The following EPPK1 variants were observed in gnomAD, a reference collection of about 807,000 sequenced individuals.
EPPK1 encodes the protein epiplakin.
For synonymous variants in EPPK1, 1,862 were observed against 1,721.2 expected (o/e 1.08, Z -2.03); for missense variants, 3,823 against 3,673.3 (o/e 1.04, Z -1.05).
chr8:143,857,575 C>T lies in EPPK1; in HGVS notation c.*412G>A, dbSNP rs550481111. 28 of 174,820 alleles carry T rather than the reference C, an allele frequency of 1.6e-4. No homozygotes were observed. The highest frequency in any genetic ancestry group is 8.0e-4 in the East Asian group (5 of 6,252). 10.8% of individuals were successfully genotyped at this position (174,820 alleles called of 1,614,324 possible). A position where few individuals can be genotyped will look rare whatever the true frequency, so the allele number is the denominator to read the frequency against. ...GATGGAAAATGAGTTTGAAGATGAA[C>T]GTGAATAGCACATCGTTAGGGAAAT... On this transcript the variant is annotated 3_prime_UTR_variant, in exon 2 of 2. Coordinates refer to ENST00000615648, the MANE Select transcript of EPPK1 (RefSeq NM_031308.4).
At position 143,870,852 on chromosome 8, in the gene EPPK1, G is replaced by A. The variant is rs1563885742; in HGVS notation, c.2402C>T (p.Thr801Met). ...TGLYLLPLSS[T>M]QSPLVDSATQ... ...GGCACTGTCCACCAGCGGGGACTGC[G>A]TGCTGCTGAGTGGCAGGAGGTACAG... The change falls in exon 2 of 2, where the codon ACG becomes ATG. Residue 801 changes from threonine to methionine, a missense_variant. Physicochemically the swap from Thr to Met is moderately conservative, Grantham distance 81. Coordinates refer to ENST00000615648, the MANE Select transcript of EPPK1 (RefSeq NM_031308.4). The surrounding 1 kb of genome is among the most constrained non-coding windows in gnomAD (Gnocchi z 5.2). The A allele has an allele frequency of 8.7e-6, 14 of 1,612,952 alleles. No individual in the cohort carries two copies. The highest frequency in any genetic ancestry group is 1.3e-5 in the African/African-American group (1 of 75,032).
At position 143,872,766 on chromosome 8, in the gene EPPK1, G is replaced by T; in HGVS notation, c.488C>A (p.Pro163His). Residue 163 changes from proline (P) to histidine (H), a missense_variant, in exon 2 of 2, where the codon CCC becomes CAC. Physicochemically the swap from Pro to His is moderately conservative, Grantham distance 77. Coordinates refer to ENST00000615648, the MANE Select transcript of EPPK1 (RefSeq NM_031308.4). ...VQLATGGLVD[P>H]AQGVLVAPEP... ...AGGGGCCACGAGCACTCCCTGGGCG[G>T]GGTCCACCAGGCCCCCAGTGGCCAG... 3 of 1,583,524 alleles carry T rather than the reference G, an allele frequency of 1.9e-6. No individual in the cohort carries two copies. The highest frequency in any genetic ancestry group is 1.7e-5 in the Admixed American group (1 of 58,334).
In EPPK1 at chr8:143,866,710, T is replaced by C. The variant is rs782539143; in HGVS notation, c.6544A>G (p.Thr2182Ala). 2.5e-6 allele frequency: 4 copies of C among 1,613,402 alleles called. No individual in the cohort carries two copies. In the South Asian group the frequency reaches 4.4e-5, roughly 18 times the overall value. ...LWFQGIRRQI[T>A]ASELLSSAII... ...GCTGAGCTGAGGAGTTCAGAAGCTG[T>C]GATCTGTCGTCTAATTCCTTGGAAC... Residue 2182 changes from threonine (T) to alanine (A), a missense_variant, in exon 2 of 2, where the codon ACA becomes GCA. By Grantham distance (58) the Thr-to-Ala change is moderately conservative. Transcript: ENST00000615648.
Position 143,868,392 on chromosome 8 carries a change from C to G in EPPK1, c.4862G>C (p.Arg1621Pro). Residue 1621 changes from arginine to proline, a missense_variant, in exon 2 of 2, where the codon CGG becomes CCG. Arg to Pro is a moderately radical substitution (Grantham distance 103). Transcript: ENST00000615648. ...GAACGCCTCCTCCACGGTCAGCTTCCGGTTCTCCACGGGGTCGATGATGAA... is the reference window on the plus strand; with the variant it reads ...GAACGCCTCCTCCACGGTCAGCTTCGGGTTCTCCACGGGGTCGATGATGAA... ...TGFIIDPVEN[R>P]KLTVEEAFKA... The G allele has an allele frequency of 1.2e-6, 2 of 1,612,502 alleles. No individual in the cohort carries two copies. The highest frequency in any genetic ancestry group is 1.7e-6 in the Non-Finnish European group (2 of 1,179,796).
In EPPK1 at chr8:143,871,651, T is replaced by C; in HGVS notation, c.1603A>G (p.Thr535Ala). The change falls in exon 2 of 2, where the codon ACC becomes GCC. Residue 535 changes from threonine to alanine, a missense_variant. Physicochemically the swap from Thr to Ala is moderately conservative, Grantham distance 58 (BLOSUM62 0). Transcript: ENST00000615648. ...GCGGCCAGCTTCTCCACGGAGAGGG[T>C]CCCTTCCTGGTACTGCTGGGCCAGC... is the stretch of plus-strand genomic sequence containing the variant. ...AMLAQQYQEG[T>A]LSVEKLAAKL... 6.2e-7 allele frequency: 1 copy of C among 1,602,418 alleles called. No homozygotes were observed. Among genetic ancestry groups the C allele is most frequent in the South Asian group, 1.1e-5 (1 of 89,600 alleles).
Position 143,869,753 on chromosome 8 carries a change from C to T in EPPK1, c.3501G>A (p.Glu1167=), listed in dbSNP as rs1554660492. ...GCAGCTGTGGCACAGTGGTCCTCCC[C>T]TCCTGCACGTCCTCCAGCAGGCCCC... ...QRRGLLEDVQ[E]GRTTVPQLLA... Residue 1167 remains glutamate (E), a synonymous_variant, in exon 2 of 2, where the codon GAG becomes GAA. Transcript: ENST00000615648. The T allele has an allele frequency of 6.2e-7, 1 of 1,601,922 alleles. No homozygotes were observed. The highest frequency in any genetic ancestry group is 8.5e-7 in the Non-Finnish European group (1 of 1,175,242).
At chr8:143,876,292 C>T (rs1366713097) in intron 1 of EPPK1, among the ~76,000 whole-genome samples, 4 of 152,180 alleles carry the variant, frequency 2.6e-5, no homozygotes, top group African/African-American at 9.7e-5. Flanking sequence ...GACCTGGTCA[C>T]ACCTGACAAG....
At position 143,872,833 on chromosome 8, in the gene EPPK1, C is replaced by A; in HGVS notation, c.421G>T (p.Val141Phe). The A allele has an allele frequency of 1.9e-6, 3 of 1,562,080 alleles. No homozygotes were observed. The highest frequency in any genetic ancestry group is 2.6e-6 in the Non-Finnish European group (3 of 1,152,706). The change falls in exon 2 of 2, where the codon GTT becomes TTT. Residue 141 changes from valine to phenylalanine, a missense_variant. By Grantham distance (50) the Val-to-Phe change is conservative (BLOSUM62 -1). Coordinates refer to ENST00000615648, the MANE Select transcript of EPPK1 (RefSeq NM_031308.4). ...CTCTGCCCCAGGGCCCTGTCCACAACCTCCTTCCCGATGGCCTGAAAGAGG... is the reference window on the plus strand; with the variant it reads ...CTCTGCCCCAGGGCCCTGTCCACAAACTCCTTCCCGATGGCCTGAAAGAGG... ...LALFQAIGKE[V>F]VDRALGQSWL...
chr8:143,858,999 C>A lies in EPPK1; in HGVS notation c.14255G>T (p.Gly4752Val). 2.8e-6 allele frequency: 1 copy of A among 352,714 alleles called. No homozygotes were observed. The highest frequency in any genetic ancestry group is 2.2e-5 in the African/African-American group (1 of 45,564). 21.8% of individuals were successfully genotyped at this position (352,714 alleles called of 1,614,324 possible). A position where few individuals can be genotyped will look rare whatever the true frequency, so the allele number is the denominator to read the frequency against. Reference sequence around the variant, plus strand: ...CTCCTGGGTCTCGCCCTCCCCCTGGCCCTCTCGCTGGGAGCGCCCCGAGTC... The same window carrying A: ...CTCCTGGGTCTCGCCCTCCCCCTGGACCTCTCGCTGGGAGCGCCCCGAGTC... ...DGDSGRSQRE[G>V]QGEGETQEAA... The change falls in exon 2 of 2, where the codon GGC (glycine) becomes GTC (valine). Residue 4752 changes from glycine to valine, a missense_variant. Coordinates refer to ENST00000615648, the MANE Select transcript of EPPK1 (RefSeq NM_031308.4).
Position 143,878,427 on chromosome 8 carries a change from ACCCGCCG to A in EPPK1, c.-46+4_-46+10del, listed in dbSNP as rs1554662635. 4 of 130,262 alleles carry A rather than the reference ACCCGCCG, an allele frequency of 3.1e-5. No homozygotes were observed. Among genetic ancestry groups the A allele is most frequent in the Non-Finnish European group, 5.0e-5 (3 of 60,022 alleles). The allele number at this position is 130,262 out of a possible 1,614,324, so 8.1% of individuals were successfully genotyped here. ...CCGCCGCACCCGCCGCACCCGCCGC[ACCCGCCG>A]CACCTGCCCGCTCGCCGCTCGGTCC... On this transcript the variant is annotated splice_donor_5th_base_variant and intron_variant, in intron 1 of 1. Transcript: ENST00000615648.
At chr8:143,877,943 A>G (rs549682434) in intron 1 of EPPK1, among the ~76,000 whole-genome samples, 1 of 151,968 alleles carries the variant, frequency 6.6e-6, no homozygotes, top group South Asian at 2.1e-4. Context: ...GGGACCGCTC[A>G]CCCAACAGCA....
Position 143,867,366 on chromosome 8 carries a change from T to TC in EPPK1, c.5887dup (p.Glu1963GlyfsTer10). The TC allele has an allele frequency of 6.2e-7, 1 of 1,612,886 alleles. No homozygotes were observed. The highest frequency in any genetic ancestry group is 1.7e-5 in the Admixed American group (1 of 60,016). ...AGCCTTCAGGAGCCTCTCCCGCAGC[T>TC]CCTCGTTCACCAGGCCCACATCCAC... is the stretch of plus-strand genomic sequence containing the variant. On this transcript the variant is annotated frameshift_variant, in exon 2 of 2. Transcript: ENST00000615648. LOFTEE classifies it low-confidence loss of function (END_TRUNC).
Position 143,870,110 on chromosome 8 carries a change from C to T in EPPK1, c.3144G>A (p.Gly1048=), listed in dbSNP as rs781997343. The part of the protein sequence containing the change: ...RLLEAQVATG[G]IIDPTSHHHL... ...GGTGGTGGCTGGTGGGGTCAATGAT[C>T]CCTCCTGTGGCCACTTGAGCCTCCA... Residue 1048 remains glycine (G), a synonymous_variant, in exon 2 of 2, where the codon GGG becomes GGA. Coordinates refer to ENST00000615648, the MANE Select transcript of EPPK1 (RefSeq NM_031308.4). This position sits in a 1 kb window ranked among gnomAD's most constrained non-coding sequence, Gnocchi z 5.2. 4.3e-6 allele frequency: 7 copies of T among 1,610,860 alleles called. No individual in the cohort carries two copies. The Admixed American group carries it at 8.4e-5, about 19-fold the overall frequency.
In EPPK1 at chr8:143,858,119, G is replaced by T. The variant is rs1228951717; in HGVS notation, c.15135C>A (p.Ala5045=). Residue 5045 remains alanine (A), a synonymous_variant, in exon 2 of 2, where the codon GCC becomes GCA. Transcript: ENST00000615648. ...YFDEEMNRVL[A]DPSDDTKGFF... Reference sequence around the variant, plus strand: ...AGCCCTTGGTGTCGTCGCTGGGGTCGGCCAGGACGCGGTTCATCTCCTCGT... The same window carrying T: ...AGCCCTTGGTGTCGTCGCTGGGGTCTGCCAGGACGCGGTTCATCTCCTCGT... 1 of 1,612,192 alleles carries T rather than the reference G, an allele frequency of 6.2e-7. No individual in the cohort carries two copies. Among genetic ancestry groups the T allele is most frequent in the African/African-American group, 1.3e-5 (1 of 74,952 alleles).
In EPPK1 at chr8:143,871,220, G is replaced by A. The variant is rs868956529; in HGVS notation, c.2034C>T (p.Phe678=). ...CGCGCTCAGCCGACAGCAGCTTCGCGAACACATCAGGCCCAATGACAGCAG... is the reference window on the plus strand; with the variant it reads ...CGCGCTCAGCCGACAGCAGCTTCGCAAACACATCAGGCCCAATGACAGCAG... ...LRAAVIGPDV[F]AKLLSAERAV... The change falls in exon 2 of 2, where the codon TTC becomes TTT. Residue 678 remains phenylalanine (F), a synonymous_variant. Transcript: ENST00000615648. 1.2e-5 allele frequency: 19 copies of A among 1,613,084 alleles called. No individual in the cohort carries two copies. The highest frequency in any genetic ancestry group is 1.7e-5 in the Admixed American group (1 of 60,006).
rs1554659199 is a variant in EPPK1, at chr8:143,866,837, C to T, written c.6417G>A (p.Leu2139=). The change falls in exon 2 of 2, where the codon CTG becomes CTA. Residue 2139 remains leucine, a synonymous_variant. Coordinates refer to ENST00000615648, the MANE Select transcript of EPPK1 (RefSeq NM_031308.4). The part of the protein sequence containing the change: ...EYVTEEKKLQ[L]VRMYRTHTRR... ...TGGTGTGTGTTCTATACATCCTCAC[C>T]AGCTGGAGCTTCTTCTCCTCTGTCA... The T allele has an allele frequency of 1.9e-6, 3 of 1,613,428 alleles. No homozygotes were observed. Among genetic ancestry groups the T allele is most frequent in the Admixed American group, 1.7e-5 (1 of 60,024 alleles).
At chr8:143,873,614 G>A (rs1397440720) in intron 1 of EPPK1, among the ~76,000 whole-genome samples, 1 of 151,770 alleles carries the variant, frequency 6.6e-6, no homozygotes, top group African/African-American at 2.4e-5. Flanking sequence ...CGCCAGCCCA[G>A]GGTCCTGTGT....
At position 143,867,244 on chromosome 8, in the gene EPPK1, G is replaced by A. The variant is rs782768826; in HGVS notation, c.6010C>T (p.Leu2004=). ...GCCACCTGCACCTCCAGCAGCCTCA[G>A]TGCCTCCGCCTTCTCGATGAGCTGC... The part of the protein sequence containing the change: ...QKQLIEKAEA[L]RLLEVQVATG... The change falls in exon 2 of 2, where the codon CTG becomes TTG. Residue 2004 remains leucine, a synonymous_variant. Transcript: ENST00000615648. The A allele has an allele frequency of 1.2e-6, 2 of 1,612,606 alleles. No individual in the cohort carries two copies. Among genetic ancestry groups the A allele is most frequent in the Admixed American group, 1.7e-5 (1 of 59,994 alleles).
At chr8:143,875,955 C>T (rs1248314018) in intron 1 of EPPK1, among the ~76,000 whole-genome samples, 1 of 152,128 alleles carries the variant, frequency 6.6e-6, no homozygotes, top group African/African-American at 2.4e-5. Context: ...CACCCCCCAC[C>T]CCCCACTGAC....
Sources: allele counts gnomAD v4.1 joint callset (sites outside exome capture counted in the v4.1 genomes callset), GRCh38; gene constraint gnomAD v4.1.1; non-coding constraint Gnocchi (gnomAD v3.1); transcripts MANE v1.5; gene names NCBI Gene and HGNC (gene_info 2026-07-23, HGNC 2026-07-21).